The following TRAPPC9 variants were observed in gnomAD, a reference collection of about 807,000 sequenced individuals.
TRAPPC9 encodes the protein trafficking protein particle complex subunit 9, also known as IKK2 binding protein.
A neutral mutation model predicts 124.0 loss-of-function variants in TRAPPC9; 83 were observed. The observed-to-expected ratio is 0.67, with a 90% CI of 0.56 to 0.80. The LOEUF (loss-of-function observed/expected upper bound fraction) is 0.80. Ranked by LOEUF, TRAPPC9 falls within the 30% of genes least tolerant of loss-of-function variation. TRAPPC9 has a pLI of 0.00. For synonymous variants in TRAPPC9, 638 were observed against 617.5 expected, an observed-to-expected ratio of 1.03 and a Z score of -0.49; for missense variants, 1,302 against 1,508.3, an observed-to-expected ratio of 0.86 and a Z score of 2.27.
chr8:140,033,294 T>C (rs758592654), intron 17 of TRAPPC9, among the ~76,000 whole-genome samples: 1 of 152,220 alleles, frequency 6.6e-6, no homozygotes, highest in African/African-American at 2.4e-5. Flanking sequence ...AATTGATTTG[T>C]TACCAAAAGC....
chr8:140,293,562 G>A (rs999586763), intron 11 of TRAPPC9, among the ~76,000 whole-genome samples: 8 of 152,186 alleles, frequency 5.3e-5, no homozygotes, highest in African/African-American at 1.9e-4. Flanking sequence ...CATGTCCTTT[G>A]TAGGGACATG....
At chr8:139,759,774 G>A (rs578213201) in intron 21 of TRAPPC9, among the ~76,000 whole-genome samples, 18 of 152,270 alleles carry the variant, frequency 1.2e-4, no homozygotes, top group Admixed American at 9.2e-4. Flanking sequence ...GCTGGCACCC[G>A]CTCCTGCCCT....
rs1367110670 is a variant in TRAPPC9, at chr8:140,257,370, C to T, written c.2279-4441G>A. Among the ~76,000 whole-genome samples the T allele has an allele frequency of 3.3e-5, 5 of 152,234 alleles. No individual in the cohort carries two copies. Among genetic ancestry groups the T allele is most frequent in the Admixed American group, 1.3e-4 (2 of 15,290 alleles). On this transcript the variant is annotated intron_variant, in intron 15 of 22. Coordinates refer to ENST00000438773, the MANE Select transcript of TRAPPC9 (RefSeq NM_001160372.4). The surrounding 1 kb of genome is among the most constrained non-coding windows in gnomAD (Gnocchi z 4.6). ...CTGGCACTGGCCTGGGCCTCTTCTGCGCTGAGCCAACCTGTCCACCTTCCT... is the reference window on the plus strand; with the variant it reads ...CTGGCACTGGCCTGGGCCTCTTCTGTGCTGAGCCAACCTGTCCACCTTCCT...
At chr8:140,341,420 T>C (rs2067190227) in intron 9 of TRAPPC9, among the ~76,000 whole-genome samples, 1 of 152,182 alleles carries the variant, frequency 6.6e-6, no homozygotes, top group South Asian at 2.1e-4. Context: ...CAATAGACTG[T>C]GACCTGCAAC....
At chr8:140,373,559 G>A (rs554454260) in intron 7 of TRAPPC9, among the ~76,000 whole-genome samples, 7 of 151,942 alleles carry the variant, frequency 4.6e-5, no homozygotes, top group Admixed American at 2.6e-4. Context: ...CCTACATATC[G>A]GATCTCTGCC....
chr8:140,349,575 C>T (rs945770815), intron 9 of TRAPPC9, among the ~76,000 whole-genome samples: 2 of 152,158 alleles, frequency 1.3e-5, no homozygotes, highest in Admixed American at 1.3e-4. Context: ...GTGGTAACTA[C>T]GGCATGTCTG....
At chr8:140,023,818 T>C in intron 18 of TRAPPC9, 119 bp downstream of exon 18, 1 of 1,486,640 alleles carries the variant, frequency 6.7e-7, no homozygotes, top group Non-Finnish European at 9.4e-7. Context: ...GCTCAGCAAC[T>C]TGGCCCCATG....
At chr8:140,002,308 G>A (rs1385252944) in intron 18 of TRAPPC9, among the ~76,000 whole-genome samples, 1 of 151,972 alleles carries the variant, frequency 6.6e-6, no homozygotes, top group Non-Finnish European at 1.5e-5. Flanking sequence ...ACAGAATGCT[G>A]ATGAATAAAA....
intron 9 of TRAPPC9, among the ~76,000 whole-genome samples, 175 bp from the exon 10 acceptor site, chr8:140,311,549 G>C (rs543874465): frequency 1.1e-3 from 174 of 152,292 alleles, no homozygotes; most frequent in African/African-American, 4.1e-3. Context: ...CCACTTATTC[G>C]AAAATCACCG....
At chr8:140,317,077 G>A (rs546574147) in intron 9 of TRAPPC9, among the ~76,000 whole-genome samples, 2 of 152,072 alleles carry the variant, frequency 1.3e-5, no homozygotes, top group South Asian at 2.1e-4. Context: ...TCTCCTTTTT[G>A]ATCTCTGATT....
intron 17 of TRAPPC9, among the ~76,000 whole-genome samples, chr8:140,050,994 T>G (rs1347692924): frequency 6.6e-6 from 1 of 152,226 alleles, no homozygotes; most frequent in Non-Finnish European, 1.5e-5. Flanking sequence ...ATGGCTATTT[T>G]AGACCTTCAA....
At chr8:140,329,279 T>C (rs377343738) in intron 9 of TRAPPC9, among the ~76,000 whole-genome samples, 24 of 151,528 alleles carry the variant, frequency 1.6e-4, no homozygotes, top group African/African-American at 5.8e-4. Flanking sequence ...GAAATGGGGG[T>C]GGATATGAGA....
intron 17 of TRAPPC9, among the ~76,000 whole-genome samples, chr8:140,094,016 C>T (rs1844753647): frequency 6.6e-6 from 1 of 152,216 alleles, no homozygotes; most frequent in Non-Finnish European, 1.5e-5. Flanking sequence ...CCCCAGGTGG[C>T]TTCCCTTCCC....
chr8:140,360,284 G>C, intron 8 of TRAPPC9, 91 bp from the exon 9 acceptor site: 1 of 1,527,796 alleles, frequency 6.5e-7, no homozygotes. Context: ...GCAATTTGAA[G>C]ACAGATGCCT....
intron 19 of TRAPPC9, among the ~76,000 whole-genome samples, chr8:139,978,724 T>C (rs1836661981): frequency 6.6e-6 from 1 of 152,184 alleles, no homozygotes; most frequent in Non-Finnish European, 1.5e-5. Flanking sequence ...TGTGCCAGGC[T>C]ACCCTCTGCA....
intron 16 of TRAPPC9, among the ~76,000 whole-genome samples, chr8:140,242,219 T>A (rs554944163): frequency 5.5e-4 from 83 of 152,252 alleles, no homozygotes; most frequent in African/African-American, 1.9e-3. Context: ...GGAGCCCATT[T>A]GTTTTTGAGA....
chr8:140,011,000 A>AT (rs1839078847), intron 18 of TRAPPC9, among the ~76,000 whole-genome samples: 1 of 152,150 alleles, frequency 6.6e-6, no homozygotes, highest in Admixed American at 6.6e-5. Flanking sequence ...CATGTATCGT[A>AT]TTTTTTTAAT....
intron 13 of TRAPPC9, among the ~76,000 whole-genome samples, chr8:140,286,544 G>C (rs2065489034): frequency 6.6e-6 from 1 of 152,146 alleles, no homozygotes; most frequent in Non-Finnish European, 1.5e-5. Context: ...AGAAGCAGCA[G>C]TTCTCAGGAA....
chr8:139,879,483 G>A (rs1002746973), intron 21 of TRAPPC9, among the ~76,000 whole-genome samples: 1 of 152,186 alleles, frequency 6.6e-6, no homozygotes, highest in Non-Finnish European at 1.5e-5. Flanking sequence ...CTCTCCACCT[G>A]TCCCTGCCCA....
Sources: allele counts gnomAD v4.1 joint callset (sites outside exome capture counted in the v4.1 genomes callset), GRCh38; gene constraint gnomAD v4.1.1; non-coding constraint Gnocchi (gnomAD v3.1); transcripts MANE v1.5; gene names NCBI Gene and HGNC (gene_info 2026-07-23, HGNC 2026-07-21).